The following CARMIL1 variants were observed in gnomAD, a reference collection of about 807,000 sequenced individuals.
CARMIL1 encodes F-actin-uncapping protein LRRC16A.
Under a neutral mutation model 177.1 loss-of-function variants are expected in CARMIL1, and 90 were observed. That is an observed-to-expected ratio of 0.51 (90% CI 0.43 to 0.61). The LOEUF is 0.61. CARMIL1 is among the 20% of genes least tolerant of loss of function. CARMIL1 has a pLI of 0.00. For missense variants in CARMIL1, 1,380 were observed against 1,667.0 expected (o/e 0.83, Z 3.00); for synonymous variants, 577 against 606.2 (o/e 0.95, Z 0.71).
Position 25,577,998 on chromosome 6 carries a change from G to A in CARMIL1, c.2743-2926G>A, listed in dbSNP as rs999747939. ...TTCCTCATACTTTTTTGGGATATGGGTTTTGAAAATTATACGTTATTGCTT... is the reference window on the plus strand; with the variant it reads ...TTCCTCATACTTTTTTGGGATATGGATTTTGAAAATTATACGTTATTGCTT... On this transcript the variant is annotated intron_variant, in intron 29 of 36. Transcript: ENST00000329474. This position sits in a 1 kb window ranked among gnomAD's most constrained non-coding sequence, Gnocchi z 4.5. Among the ~76,000 whole-genome samples the A allele has an allele frequency of 2.6e-5, 4 of 152,114 alleles. No homozygotes were observed. Among genetic ancestry groups the A allele is most frequent in the African/African-American group, 9.7e-5 (4 of 41,438 alleles).
At chr6:25,591,189 A>C (rs1814267236) in intron 31 of CARMIL1, among the ~76,000 whole-genome samples, 1 of 152,210 alleles carries the variant, frequency 6.6e-6, no homozygotes, top group African/African-American at 2.4e-5. Flanking sequence ...CCGCATCAAA[A>C]TCCAGGTGCA....
At chr6:25,584,724 T>C (rs747398574) in intron 31 of CARMIL1, among the ~76,000 whole-genome samples, 6 of 152,052 alleles carry the variant, frequency 3.9e-5, no homozygotes, top group Non-Finnish European at 7.4e-5. Flanking sequence ...CCTCTCCCCA[T>C]GTCTTCAGAG....
At chr6:25,538,654 A>G (rs1318046437) in intron 25 of CARMIL1, among the ~76,000 whole-genome samples, 1 of 152,160 alleles carries the variant, frequency 6.6e-6, no homozygotes, top group Non-Finnish European at 1.5e-5. Context: ...AAACCCCTGT[A>G]ATTTCCTGAG....
chr6:25,319,881 C>T (rs1419033564), intron 2 of CARMIL1, among the ~76,000 whole-genome samples: 1 of 150,926 alleles, frequency 6.6e-6, no homozygotes, highest in East Asian at 2.0e-4. Context: ...GATTCTCCTG[C>T]ATCAGCCTAT....
At chr6:25,422,769 C>T (rs913644965) in intron 3 of CARMIL1, among the ~76,000 whole-genome samples, 3 of 152,068 alleles carry the variant, frequency 2.0e-5, no homozygotes, top group Non-Finnish European at 4.4e-5. Flanking sequence ...AATATGCATA[C>T]CCTAACATGT....
intron 2 of CARMIL1, among the ~76,000 whole-genome samples, chr6:25,286,021 G>A (rs1781493135): frequency 6.6e-6 from 1 of 151,886 alleles, no homozygotes; most frequent in Non-Finnish European, 1.5e-5. Flanking sequence ...ACAGGTGTGA[G>A]CCATCATGCC....
At chr6:25,371,781 T>C (rs1042782785) in intron 2 of CARMIL1, among the ~76,000 whole-genome samples, 6 of 152,158 alleles carry the variant, frequency 3.9e-5, no homozygotes, top group Admixed American at 1.3e-4. Flanking sequence ...ATTTATTTAT[T>C]TTTGTTTTTC....
At chr6:25,465,624 G>A (rs1031752374) in intron 8 of CARMIL1, 1 of 442,854 alleles carries the variant, frequency 2.3e-6, no homozygotes, top group Non-Finnish European at 4.0e-6. Context: ...GGTTTTTCAA[G>A]CAAATTCTGA....
chr6:25,380,923 T>C (rs969655455), intron 2 of CARMIL1, among the ~76,000 whole-genome samples: 1 of 152,226 alleles, frequency 6.6e-6, no homozygotes, highest in African/African-American at 2.4e-5. Context: ...AAGGGACTTT[T>C]TGAGGGTACA....
chr6:25,451,864 T>C (rs1798958956), intron 8 of CARMIL1, among the ~76,000 whole-genome samples: 1 of 152,052 alleles, frequency 6.6e-6, no homozygotes, highest in East Asian at 1.9e-4. Context: ...ATAAATCTTT[T>C]CTCTCTGATT....
chr6:25,285,686 T>C (rs527242032), intron 2 of CARMIL1, among the ~76,000 whole-genome samples: 7 of 152,316 alleles, frequency 4.6e-5, no homozygotes, highest in African/African-American at 1.7e-4. Flanking sequence ...TTCAAACATA[T>C]GCAAAAAGCA....
chr6:25,579,446 T>C (rs147395345), intron 29 of CARMIL1, among the ~76,000 whole-genome samples: 56 of 152,306 alleles, frequency 3.7e-4, no homozygotes, highest in Non-Finnish European at 6.5e-4. Context: ...CAGCATATAT[T>C]TTGATAGCTT....
intron 9 of CARMIL1, among the ~76,000 whole-genome samples, chr6:25,469,483 A>T (rs1206563216): frequency 1.3e-5 from 2 of 152,138 alleles, no homozygotes; most frequent in African/African-American, 4.8e-5. Context: ...TCTAAATATC[A>T]TGAAGTATTT....
intron 9 of CARMIL1, among the ~76,000 whole-genome samples, chr6:25,467,790 C>T (rs575846333): frequency 6.6e-6 from 1 of 152,206 alleles, no homozygotes; most frequent in East Asian, 1.9e-4. Flanking sequence ...ATACAGTTTG[C>T]ATATATTTTT....
chr6:25,562,013 A>AT (rs1174243703), intron 29 of CARMIL1, among the ~76,000 whole-genome samples: 1 of 151,904 alleles, frequency 6.6e-6, no homozygotes, highest in East Asian at 1.9e-4. Flanking sequence ...TTGTAATAGT[A>AT]TTTTTTTATT....
At chr6:25,604,729 G>A (rs928261430) in intron 33 of CARMIL1, 83 bp from the exon 34 acceptor site, 2 of 1,112,918 alleles carry the variant, frequency 1.8e-6, no homozygotes, top group East Asian at 5.1e-5. Context: ...CTTCTTTGCT[G>A]TCATTTATTA....
chr6:25,538,779 G>A (rs1369349227), intron 25 of CARMIL1, among the ~76,000 whole-genome samples: 2 of 152,148 alleles, frequency 1.3e-5, no homozygotes, highest in Non-Finnish European at 2.9e-5. Context: ...CAGGATAGGG[G>A]AGGTTGCCAG....
In CARMIL1 at chr6:25,590,641, T is replaced by C. The variant is rs149278326; in HGVS notation, c.3007-3774T>C. Among the ~76,000 whole-genome samples, 330 of 152,310 alleles carry C rather than the reference T, an allele frequency of 2.2e-3. 2 individuals carry two copies. Among genetic ancestry groups the C allele is most frequent in the African/African-American group, 6.9e-3 (287 of 41,580 alleles). On this transcript the variant is annotated intron_variant, in intron 31 of 36. Coordinates refer to ENST00000329474, the MANE Select transcript of CARMIL1 (RefSeq NM_017640.6). ...TGCATGTGATACTTGTATGTAGATA[T>C]ATTACTAAGGATTTTATTTCTTTTG...
chr6:25,450,118 C>A, intron 6 of CARMIL1, 123 bp downstream of exon 6: 1 of 846,742 alleles, frequency 1.2e-6, no homozygotes, highest in Non-Finnish European at 1.8e-6. Flanking sequence ...TAATTAGCAG[C>A]GCACAGACTT....
Sources: allele counts gnomAD v4.1 joint callset (sites outside exome capture counted in the v4.1 genomes callset), GRCh38; gene constraint gnomAD v4.1.1; non-coding constraint Gnocchi (gnomAD v3.1); transcripts MANE v1.5; gene names NCBI Gene and HGNC (gene_info 2026-07-23, HGNC 2026-07-21).